Variants in COL23A1 observed in about 807,000 individuals in gnomAD.
The protein encoded by COL23A1 is collagen alpha-1(XXIII) chain.
In COL23A1, 97 loss-of-function variants were observed where a neutral mutation model predicts 99.3. The ratio of observed to expected loss-of-function variants is 0.98; its 90% CI spans 0.83 to 1.16. The LOEUF (loss-of-function observed/expected upper bound fraction) is 1.16. COL23A1 is among the 50% of genes most tolerant of loss of function. The pLI is 0.00. For missense variants in COL23A1, 762 were observed against 757.4 expected, an observed-to-expected ratio of 1.01 and a Z score of -0.07; for synonymous variants, 320 against 308.2, an observed-to-expected ratio of 1.04 and a Z score of -0.40.
intron 3 of COL23A1, among the ~76,000 whole-genome samples, chr5:178,291,443 C>T (rs1007633186): frequency 2.0e-5 from 3 of 152,236 alleles, no homozygotes; most frequent in African/African-American, 4.8e-5. Context: ...CAGGCTGGGC[C>T]GAGTCCAGAG....
intron 2 of COL23A1, among the ~76,000 whole-genome samples, chr5:178,469,609 G>A (rs1756631129): frequency 2.0e-5 from 3 of 151,968 alleles, no homozygotes; most frequent in Admixed American, 2.0e-4. Context: ...GCTCCCCCGG[G>A]CAGCTGGCAG....
At chr5:178,561,527 GC>G (rs2113573051) in intron 1 of COL23A1, among the ~76,000 whole-genome samples, 1 of 152,252 alleles carries the variant, frequency 6.6e-6, no homozygotes, top group African/African-American at 2.4e-5. Context: ...AACGGTCCCT[GC>G]CCCACAGATG....
rs769820521 is a variant in COL23A1 at position 178,310,085 on chromosome 5, G to C, written c.362-3166C>G. 6.6e-6 allele frequency among the ~76,000 whole-genome samples: 1 copy of C among 152,238 alleles called. No individual in the cohort carries two copies. The highest frequency in any genetic ancestry group is 1.5e-5 in the Non-Finnish European group (1 of 68,040). On this transcript the variant is annotated intron_variant, in intron 2 of 28. Transcript: ENST00000390654. The surrounding 1 kb of genome is among the most constrained non-coding windows in gnomAD (Gnocchi z 4.3). ...ACAGGGCCACCTGGTCTGATGTGAC[G>C]TGCCAGTGAGATAGGGAGTGCCTTC...
intron 2 of COL23A1, among the ~76,000 whole-genome samples, chr5:178,419,821 C>G (rs1191075572): frequency 6.6e-6 from 1 of 152,222 alleles, no homozygotes; most frequent in Non-Finnish European, 1.5e-5. Flanking sequence ...ATCCTTCAAC[C>G]ACTCATAGAC....
At chr5:178,480,841 A>G (rs947656535) in intron 2 of COL23A1, among the ~76,000 whole-genome samples, 3 of 152,144 alleles carry the variant, frequency 2.0e-5, no homozygotes, top group Admixed American at 2.0e-4. Context: ...AGACATTCTT[A>G]ACATCAACAT....
At chr5:178,336,747 A>C (rs1004824485) in intron 2 of COL23A1, among the ~76,000 whole-genome samples, 1 of 152,256 alleles carries the variant, frequency 6.6e-6, no homozygotes, top group Non-Finnish European at 1.5e-5. Flanking sequence ...CAATAATTTT[A>C]AAAAAGAATC....
At chr5:178,251,619 G>A (rs1341873190) in intron 17 of COL23A1, among the ~76,000 whole-genome samples, 1 of 152,188 alleles carries the variant, frequency 6.6e-6, no homozygotes, top group Non-Finnish European at 1.5e-5. Flanking sequence ...CACGGGCAGG[G>A]TTGTCACATG....
chr5:178,358,534 GTGTGTA>G (rs1220664469), intron 2 of COL23A1, among the ~76,000 whole-genome samples: 2 of 140,010 alleles, frequency 1.4e-5, no homozygotes, highest in South Asian at 2.4e-4. Flanking sequence ...TATGTCTAGT[GTGTGTA>G]TGTGTGTGTA....
At chr5:178,377,414 G>T (rs1374948212) in intron 2 of COL23A1, among the ~76,000 whole-genome samples, 1 of 152,350 alleles carries the variant, frequency 6.6e-6, no homozygotes, top group East Asian at 1.9e-4. Context: ...CCACCCCACT[G>T]CTTCTGGAGA....
At chr5:178,507,349 A>C (rs1317672179) in intron 2 of COL23A1, among the ~76,000 whole-genome samples, 1 of 152,200 alleles carries the variant, frequency 6.6e-6, no homozygotes, top group Non-Finnish European at 1.5e-5. Context: ...AGCTTTACAA[A>C]GAGTGCTGCA....
chr5:178,296,274 G>C (rs1425697609), intron 3 of COL23A1, among the ~76,000 whole-genome samples: 1 of 152,210 alleles, frequency 6.6e-6, no homozygotes, highest in Non-Finnish European at 1.5e-5. Flanking sequence ...GGGGCTGTAA[G>C]AGTCAACATC....
intron 2 of COL23A1, among the ~76,000 whole-genome samples, chr5:178,328,348 G>C (rs1000031708): frequency 1.3e-5 from 2 of 152,160 alleles, no homozygotes; most frequent in Admixed American, 6.5e-5. Context: ...CCTCATCCAA[G>C]GGGCCTTTCT....
chr5:178,356,300 C>A (rs1761647102), intron 2 of COL23A1, among the ~76,000 whole-genome samples: 1 of 152,168 alleles, frequency 6.6e-6, no homozygotes, highest in Non-Finnish European at 1.5e-5. Flanking sequence ...CAATTCTGAA[C>A]ACACTGAAAA....
intron 5 of COL23A1, 150 bp from the exon 6 acceptor site, chr5:178,270,513 G>T: frequency 1.1e-6 from 1 of 870,220 alleles, no homozygotes. Context: ...GGGGCTGAGG[G>T]AGGGGAAGGC....
intron 2 of COL23A1, among the ~76,000 whole-genome samples, chr5:178,329,713 C>A (rs1033901559): frequency 6.6e-6 from 1 of 152,040 alleles, no homozygotes; most frequent in South Asian, 2.1e-4. Context: ...CCGAGGCAGG[C>A]GGATCATGAG....
At chr5:178,553,850 C>T (rs1562084410) in intron 2 of COL23A1, among the ~76,000 whole-genome samples, 1 of 152,226 alleles carries the variant, frequency 6.6e-6, no homozygotes, top group Non-Finnish European at 1.5e-5. Context: ...TGGCCTCCTA[C>T]TCTGTGTCTC....
intron 27 of COL23A1, among the ~76,000 whole-genome samples, chr5:178,241,586 T>TCCGC (rs1207620698): frequency 6.6e-6 from 1 of 152,056 alleles, no homozygotes; most frequent in African/African-American, 2.4e-5. Context: ...ACTCACTGCC[T>TCCGC]CCGCCCCCAG....
chr5:178,254,824 G>C, intron 16 of COL23A1, 125 bp downstream of exon 16: 2 of 790,368 alleles, frequency 2.5e-6, no homozygotes. Flanking sequence ...AACAGCCGGG[G>C]TCTTTGTGCT....
At chr5:178,286,773 C>T (rs1757176333) in intron 5 of COL23A1, among the ~76,000 whole-genome samples, 1 of 152,278 alleles carries the variant, frequency 6.6e-6, no homozygotes, top group South Asian at 2.1e-4. Context: ...GAGAACAAGC[C>T]CCCTGCCCCT....
Sources: allele counts gnomAD v4.1 joint callset (sites outside exome capture counted in the v4.1 genomes callset), GRCh38; gene constraint gnomAD v4.1.1; non-coding constraint Gnocchi (gnomAD v3.1); transcripts MANE v1.5; gene names NCBI Gene and HGNC (gene_info 2026-07-23, HGNC 2026-07-21).